Variants in STARD13 observed in about 807,000 individuals in gnomAD.
The protein encoded by STARD13 is stAR-related lipid transfer protein 13.
In STARD13, 62 loss-of-function variants were observed where a neutral mutation model predicts 106.4. The ratio of observed to expected loss-of-function variants is 0.58; its 90% confidence interval spans 0.48 to 0.72. STARD13 has a LOEUF of 0.72. STARD13 is among the 30% of genes least tolerant of loss of function. The probability of loss-of-function intolerance (pLI) is 0.00; values close to 1 mark genes in which losing one functional copy is unlikely to be tolerated. For synonymous variants in STARD13, 565 were observed against 553.0 expected, an observed-to-expected ratio of 1.02 and a Z score of -0.31; for missense variants, 1,387 against 1,424.0, an observed-to-expected ratio of 0.97 and a Z score of 0.42.
At chr13:33,320,323 C>A (rs932224541) in intron 1 of STARD13, among the ~76,000 whole-genome samples, 1 of 152,146 alleles carries the variant, frequency 6.6e-6, no homozygotes, top group Non-Finnish European at 1.5e-5. Flanking sequence ...TTCTTCCTTC[C>A]CAGAGACCAC....
At chr13:33,353,796 C>T (rs938645222), upstream of STARD13, among the ~76,000 whole-genome samples, 1 of 151,486 alleles carries the variant, frequency 6.6e-6, no homozygotes, top group Admixed American at 6.6e-5. Flanking sequence ...GTTTAGTTTT[C>T]CTTATAGCGC....
At chr13:33,662,336 GT>G in the STARD13 span, among the ~76,000 whole-genome samples, 1 of 152,174 alleles carries the variant, frequency 6.6e-6, no homozygotes, top group South Asian at 2.1e-4. Flanking sequence ...TCAGTTTAGA[GT>G]TATTACATTT....
intron 1 of STARD13, among the ~76,000 whole-genome samples, chr13:33,298,588 T>TA (rs993433886): frequency 1.3e-5 from 2 of 150,574 alleles, no homozygotes; most frequent in Non-Finnish European, 3.0e-5. Flanking sequence ...TTCCATATCT[T>TA]AAAAAAAAAG....
At chr13:33,534,140 T>C in the STARD13 span, among the ~76,000 whole-genome samples, 1 of 152,216 alleles carries the variant, frequency 6.6e-6, no homozygotes, top group African/African-American at 2.4e-5. Context: ...GAAATCACTC[T>C]TTTTGTTAGC....
the STARD13 span, among the ~76,000 whole-genome samples, chr13:33,400,859 A>G: frequency 6.6e-6 from 1 of 152,192 alleles, no homozygotes; most frequent in Non-Finnish European, 1.5e-5. Flanking sequence ...AGCACATGTA[A>G]ATAATACTTC....
the STARD13 span, among the ~76,000 whole-genome samples, chr13:33,447,605 A>C: frequency 6.6e-6 from 1 of 152,224 alleles, no homozygotes; most frequent in Non-Finnish European, 1.5e-5. Context: ...CATCAGTGCA[A>C]GAGTATAAAA....
chr13:33,211,821 G>A (rs917441697), intron 1 of STARD13, among the ~76,000 whole-genome samples: 4 of 134,052 alleles, frequency 3.0e-5, no homozygotes, highest in Admixed American at 7.1e-5. Context: ...GTGTGTGTGT[G>A]TGTGTATGTG....
At chr13:33,528,231 TATATATATATAC>T in the STARD13 span, among the ~76,000 whole-genome samples, 2 of 130,696 alleles carry the variant, frequency 1.5e-5, no homozygotes. Flanking sequence ...TGTGTGTATA[TATATATATATAC>T]ATATATATAT....
chr13:33,673,257 T>C, the STARD13 span, among the ~76,000 whole-genome samples: 6 of 152,210 alleles, frequency 3.9e-5, no homozygotes, highest in African/African-American at 1.4e-4. Flanking sequence ...CCCAATATTA[T>C]TTCCCTTTGA....
At chr13:33,416,018 C>A in the STARD13 span, among the ~76,000 whole-genome samples, 5 of 152,140 alleles carry the variant, frequency 3.3e-5, no homozygotes, top group Admixed American at 2.0e-4. Context: ...CTGTGGGTTG[C>A]AGTTTTCATT....
At chr13:33,121,576 A>AAG (rs1555339500) in intron 7 of STARD13, among the ~76,000 whole-genome samples, 3 of 150,386 alleles carry the variant, frequency 2.0e-5, no homozygotes, top group East Asian at 2.0e-4. Flanking sequence ...TCAAAAAAAA[A>AAG]AAAAAAAAGT....
At chr13:33,429,889 T>C in the STARD13 span, among the ~76,000 whole-genome samples, 2 of 149,798 alleles carry the variant, frequency 1.3e-5, no homozygotes, top group Admixed American at 6.6e-5. Flanking sequence ...CCTAATTGTA[T>C]ATTTATAATC....
the STARD13 span, among the ~76,000 whole-genome samples, chr13:33,662,234 C>T: frequency 6.6e-6 from 1 of 151,094 alleles, no homozygotes; most frequent in African/African-American, 2.4e-5. Flanking sequence ...TGTACTACAG[C>T]CTGGGCGACA....
intron 1 of STARD13, among the ~76,000 whole-genome samples, chr13:33,237,680 T>C (rs1214469192): frequency 1.3e-5 from 2 of 152,186 alleles, no homozygotes; most frequent in East Asian, 3.8e-4. Flanking sequence ...CACCATCCCC[T>C]ACACCCATTT....
At chr13:33,562,666 TA>T in the STARD13 span, among the ~76,000 whole-genome samples, 6 of 146,786 alleles carry the variant, frequency 4.1e-5, no homozygotes, top group African/African-American at 1.5e-4. Context: ...GTTTGTCAAA[TA>T]AATAATGTAT....
rs1877853084 is a variant in STARD13 at position 33,129,455 on chromosome 13, T to TG, written c.1221dup (p.Lys408GlnfsTer6). On this transcript the variant is annotated frameshift_variant, in exon 5 of 14. Transcript: ENST00000336934. LOFTEE classifies it high-confidence loss of function. ...GAGAGGCTTTCAATAGAAAGTGCCT[T>TG]GGGGAATGTTCCTGGTTTGTGATCC... 6.2e-7 allele frequency: 1 copy of TG among 1,614,086 alleles called. No individual in the cohort carries two copies. Among genetic ancestry groups the TG allele is most frequent in the Non-Finnish European group, 8.5e-7 (1 of 1,180,050 alleles).
chr13:33,260,172 C>T (rs1490927579), intron 1 of STARD13, among the ~76,000 whole-genome samples: 1 of 152,154 alleles, frequency 6.6e-6, no homozygotes, highest in African/African-American at 2.4e-5. Context: ...TGGGTTTTAA[C>T]CCAGGTCTTT....
the STARD13 span, among the ~76,000 whole-genome samples, chr13:33,638,713 G>C: frequency 1.7e-3 from 255 of 152,308 alleles, 6 homozygotes; most frequent in East Asian, 0.044. Context: ...AAGGAGGAAG[G>C]CATAATGAGG....
chr13:33,209,396 T>A (rs1212378028), intron 1 of STARD13, among the ~76,000 whole-genome samples: 2 of 151,784 alleles, frequency 1.3e-5, no homozygotes, highest in Non-Finnish European at 2.9e-5. Context: ...AAAAATGCCT[T>A]TAAGAATTAT....
Sources: allele counts gnomAD v4.1 joint callset (sites outside exome capture counted in the v4.1 genomes callset), GRCh38; gene constraint gnomAD v4.1.1; transcripts MANE v1.5; gene names NCBI Gene and HGNC (gene_info 2026-07-23, HGNC 2026-07-21).